ZNF385D: variants seen among roughly 807,000 people sequenced by gnomAD.
The protein encoded by ZNF385D is zinc finger protein 659.
In ZNF385D, 15 loss-of-function variants were observed where a neutral mutation model predicts 35.8. The ratio of observed to expected loss-of-function variants is 0.42; its 90% CI spans 0.28 to 0.64. The LOEUF is 0.64. Ranked by LOEUF, ZNF385D falls within the 30% of genes least tolerant of loss-of-function variation. ZNF385D has a pLI of 0.23. For missense variants in ZNF385D, 474 were observed against 494.6 expected (o/e 0.96, Z 0.39); for synonymous variants, 212 against 186.8 (o/e 1.13, Z -1.10).
At chr3:21,880,215 G>A (rs1446703732) in intron 3 of ZNF385D, among the ~76,000 whole-genome samples, 3 of 151,858 alleles carry the variant, frequency 2.0e-5, no homozygotes, top group Admixed American at 6.6e-5. Flanking sequence ...TCACTTATGA[G>A]CACTGCGTTA....
intron 2 of ZNF385D, among the ~76,000 whole-genome samples, chr3:21,591,730 G>C (rs1050888195): frequency 6.6e-6 from 1 of 152,188 alleles, no homozygotes; most frequent in Non-Finnish European, 1.5e-5. Context: ...CTGTCCACAA[G>C]CTTCTTTGAG....
At chr3:22,274,434 A>C (rs2125367644) in intron 2 of ZNF385D, among the ~76,000 whole-genome samples, 1 of 152,116 alleles carries the variant, frequency 6.6e-6, no homozygotes, top group African/African-American at 2.4e-5. Context: ...TGAGACAATA[A>C]GTTTAATAGA....
chr3:22,157,617 GTT>G (rs1367825578), intron 3 of ZNF385D, among the ~76,000 whole-genome samples: 2 of 151,986 alleles, frequency 1.3e-5, no homozygotes, highest in Admixed American at 6.6e-5. Context: ...TAAAACTACA[GTT>G]TTTTAACCTC....
intron 3 of ZNF385D, among the ~76,000 whole-genome samples, chr3:22,083,886 A>T (rs149658141): frequency 0.11 from 16,415 of 152,276 alleles, 1,078 homozygotes; most frequent in Non-Finnish European, 0.16. Flanking sequence ...CTGATCTCTC[A>T]GCAGAAACTC....
intron 2 of ZNF385D, among the ~76,000 whole-genome samples, chr3:22,218,964 A>G (rs1391960522): frequency 6.6e-6 from 1 of 152,110 alleles, no homozygotes; most frequent in African/African-American, 2.4e-5. Flanking sequence ...TATTCACACT[A>G]CAGAGAATGA....
chr3:22,016,901 AATCT>A (rs753681470), intron 3 of ZNF385D, among the ~76,000 whole-genome samples: 39 of 151,690 alleles, frequency 2.6e-4, no homozygotes, highest in Admixed American at 3.9e-4. Context: ...TTTATCTATC[AATCT>A]ATCTATCTAT....
intron 3 of ZNF385D, among the ~76,000 whole-genome samples, chr3:22,086,361 G>A (rs533799604): frequency 3.0e-4 from 46 of 152,268 alleles, no homozygotes; most frequent in African/African-American, 1.1e-3. Flanking sequence ...AAAGTCTCAG[G>A]ATACAAAATC....
At position 21,413,996 on chromosome 3, in the gene ZNF385D, A is replaced by G. The variant is rs946484142; in HGVS notation, c.*7218T>C. 2 of 152,246 alleles carry G rather than the reference A, an allele frequency of 1.3e-5. No individual in the cohort carries two copies. The highest frequency in any genetic ancestry group is 2.1e-4 in the South Asian group (1 of 4,832). 9.4% of individuals were successfully genotyped at this position (152,246 alleles called of 1,614,324 possible). On this transcript the variant is annotated 3_prime_UTR_variant, in exon 8 of 8. Transcript: ENST00000281523. ...AACATCCAGTTTTTGTGAGAGCTGA[A>G]TATTTCATCATACATTGGATAACAC...
chr3:22,339,270 G>A (rs1695315956), intron 2 of ZNF385D, among the ~76,000 whole-genome samples: 1 of 152,140 alleles, frequency 6.6e-6, no homozygotes, highest in East Asian at 1.9e-4. Context: ...AATTGAAGTT[G>A]CCCAAGTGCG....
At chr3:22,150,460 CA>C (rs1559409433) in intron 3 of ZNF385D, among the ~76,000 whole-genome samples, 1 of 151,672 alleles carries the variant, frequency 6.6e-6, no homozygotes, top group African/African-American at 2.4e-5. Context: ...AAAAATAGGC[CA>C]AAAAACCCTT....
At chr3:21,533,945 GGTAA>G (rs1198876823) in intron 3 of ZNF385D, among the ~76,000 whole-genome samples, 1 of 151,902 alleles carries the variant, frequency 6.6e-6, no homozygotes, top group Non-Finnish European at 1.5e-5. Flanking sequence ...TTAGAAAGAT[GGTAA>G]GTATGAACAA....
intron 2 of ZNF385D, among the ~76,000 whole-genome samples, chr3:21,596,933 T>A (rs982104558): frequency 2.0e-5 from 3 of 152,148 alleles, no homozygotes; most frequent in African/African-American, 7.2e-5. Flanking sequence ...CCCTTCACTT[T>A]CAGGCCTGAA....
At chr3:22,061,930 C>T (rs1699707350) in intron 3 of ZNF385D, among the ~76,000 whole-genome samples, 1 of 152,186 alleles carries the variant, frequency 6.6e-6, no homozygotes, top group Non-Finnish European at 1.5e-5. Context: ...GTTGCTTCAT[C>T]CCCAGCACCT....
At chr3:22,009,455 C>G (rs980919938) in intron 3 of ZNF385D, among the ~76,000 whole-genome samples, 1 of 151,948 alleles carries the variant, frequency 6.6e-6, no homozygotes, top group Non-Finnish European at 1.5e-5. Flanking sequence ...AACCCCGTCT[C>G]TACTAAAAAT....
intron 1 of ZNF385D, among the ~76,000 whole-genome samples, chr3:21,718,479 C>T (rs2068414283): frequency 6.6e-6 from 1 of 152,214 alleles, no homozygotes; most frequent in Non-Finnish European, 1.5e-5. Context: ...TATCTAAGCA[C>T]TTACTACGTG....
intron 3 of ZNF385D, among the ~76,000 whole-genome samples, chr3:22,065,354 A>G (rs982328974): frequency 2.0e-5 from 3 of 152,174 alleles, no homozygotes; most frequent in South Asian, 2.1e-4. Flanking sequence ...AAATAGTCCA[A>G]TCTATGCCAA....
At chr3:21,947,016 T>A (rs974244416) in intron 3 of ZNF385D, among the ~76,000 whole-genome samples, 13 of 152,148 alleles carry the variant, frequency 8.5e-5, no homozygotes, top group Non-Finnish European at 1.8e-4. Flanking sequence ...AAACATCAGT[T>A]TGAGTATGCC....
intron 2 of ZNF385D, among the ~76,000 whole-genome samples, chr3:22,181,446 C>T (rs927634566): frequency 2.0e-5 from 3 of 152,048 alleles, no homozygotes; most frequent in Admixed American, 6.6e-5. Context: ...CCTGTAATCC[C>T]AGCACTTTGG....
At chr3:21,519,475 A>C (rs1312329724) in intron 3 of ZNF385D, among the ~76,000 whole-genome samples, 6 of 152,188 alleles carry the variant, frequency 3.9e-5, no homozygotes. Context: ...TTTGAGAGTT[A>C]CTGCCTGGTT....
Sources: allele counts gnomAD v4.1 joint callset (sites outside exome capture counted in the v4.1 genomes callset), GRCh38; gene constraint gnomAD v4.1.1; transcripts MANE v1.5; gene names NCBI Gene and HGNC (gene_info 2026-07-23, HGNC 2026-07-21).